CDH18: variants seen among roughly 807,000 people sequenced by gnomAD.
The protein encoded by CDH18 is cadherin-18.
In CDH18, 31 loss-of-function variants were observed where a neutral mutation model predicts 67.9. The ratio of observed to expected loss-of-function variants is 0.46; its 90% CI spans 0.34 to 0.62. CDH18 has a LOEUF of 0.62. Among genes scored for constraint, CDH18 ranks in the 20% least tolerant of loss-of-function variants. The pLI, the probability that CDH18 is intolerant of heterozygous loss-of-function variation, is 0.01. For synonymous variants in CDH18, 362 were observed against 347.2 expected (o/e 1.04, Z -0.48); for missense variants, 890 against 975.5 (o/e 0.91, Z 1.17).
intron 3 of CDH18, among the ~76,000 whole-genome samples, chr5:19,787,353 G>A (rs1361832722): frequency 1.3e-5 from 2 of 152,022 alleles, no homozygotes; most frequent in African/African-American, 4.8e-5. Context: ...TAGGGAGGCT[G>A]AGGCAGGAGA....
chr5:20,354,489 A>C (rs879455257), intron 1 of CDH18, among the ~76,000 whole-genome samples: 1 of 152,140 alleles, frequency 6.6e-6, no homozygotes, highest in Non-Finnish European at 1.5e-5. Flanking sequence ...GTCTTCACTC[A>C]CTGCAACTTC....
intron 3 of CDH18, among the ~76,000 whole-genome samples, chr5:19,806,153 G>A (rs916312717): frequency 6.6e-6 from 1 of 152,072 alleles, no homozygotes; most frequent in East Asian, 1.9e-4. Flanking sequence ...TACCAGCCTC[G>A]TTTTCTACTA....
At chr5:19,736,824 T>C (rs1181759501) in intron 4 of CDH18, among the ~76,000 whole-genome samples, 1 of 152,316 alleles carries the variant, frequency 6.6e-6, no homozygotes, top group Non-Finnish European at 1.5e-5. Flanking sequence ...AAGATTTAAA[T>C]TGGCCATTTA....
At chr5:19,624,814 C>G (rs562252527) in intron 5 of CDH18, among the ~76,000 whole-genome samples, 94 of 152,236 alleles carry the variant, frequency 6.2e-4, no homozygotes, top group Non-Finnish European at 9.4e-4. Context: ...ACAAGCCCTT[C>G]CGATGTTGAT....
At chr5:20,490,241 A>G (rs946227727) in intron 1 of CDH18, among the ~76,000 whole-genome samples, 11 of 152,090 alleles carry the variant, frequency 7.2e-5, no homozygotes, top group African/African-American at 2.4e-4. Flanking sequence ...TTTATGGCAA[A>G]CATTATAGTG....
intron 5 of CDH18, among the ~76,000 whole-genome samples, chr5:19,687,898 C>A (rs553490969): frequency 6.6e-6 from 1 of 152,158 alleles, no homozygotes; most frequent in African/African-American, 2.4e-5. Flanking sequence ...ACAGCTGATA[C>A]CCATGAACAG....
intron 2 of CDH18, among the ~76,000 whole-genome samples, chr5:19,934,963 C>T (rs1055614926): frequency 6.6e-6 from 1 of 151,190 alleles, no homozygotes; most frequent in Non-Finnish European, 1.5e-5. Flanking sequence ...TAGCATATGT[C>T]CTTATGTATA....
chr5:19,808,805 C>G (rs1236039575), intron 3 of CDH18, among the ~76,000 whole-genome samples: 1 of 128,218 alleles, frequency 7.8e-6, no homozygotes, highest in Non-Finnish European at 1.6e-5. Context: ...CCACTCCAGC[C>G]TGGGTGACAA....
intron 3 of CDH18, among the ~76,000 whole-genome samples, chr5:19,764,648 T>C (rs7704493): frequency 0.77 from 110,209 of 143,614 alleles, 44,343 homozygotes; most frequent in South Asian, 0.89. Flanking sequence ...TATATATATA[T>C]ACACACACAC....
intron 1 of CDH18, among the ~76,000 whole-genome samples, chr5:20,282,432 T>G (rs917789734): frequency 2.0e-5 from 3 of 152,092 alleles, no homozygotes; most frequent in Admixed American, 6.6e-5. Flanking sequence ...AAGGGCTGTT[T>G]AATTTTGTCA....
chr5:20,082,073 C>T (rs1580196168), intron 2 of CDH18, among the ~76,000 whole-genome samples: 1 of 151,812 alleles, frequency 6.6e-6, no homozygotes, highest in Non-Finnish European at 1.5e-5. Flanking sequence ...ACACTGTGTG[C>T]ATATACACAC....
chr5:20,300,605 C>T (rs1006391881), intron 1 of CDH18, among the ~76,000 whole-genome samples: 3 of 151,978 alleles, frequency 2.0e-5, no homozygotes, highest in African/African-American at 4.8e-5. Flanking sequence ...AAGAATAAAT[C>T]GGTCAATCAT....
intron 2 of CDH18, among the ~76,000 whole-genome samples, chr5:20,241,881 T>A (rs1407105311): frequency 1.4e-4 from 12 of 87,732 alleles, no homozygotes; most frequent in South Asian, 3.5e-4. Context: ...TAAAATAAAA[T>A]ATATATATAT....
intron 5 of CDH18, among the ~76,000 whole-genome samples, chr5:19,613,015 G>A (rs562750696): frequency 2.0e-5 from 3 of 151,836 alleles, no homozygotes; most frequent in Admixed American, 6.6e-5. Flanking sequence ...GCGTGGTGGC[G>A]CATGCCTGTA....
chr5:20,545,169 A>G (rs191369381), intron 1 of CDH18, among the ~76,000 whole-genome samples: 9 of 152,320 alleles, frequency 5.9e-5, no homozygotes, highest in Admixed American at 5.2e-4. Flanking sequence ...GGCCTTTGGC[A>G]ACTGTGCCTC....
chr5:20,370,704 C>G (rs529839066), intron 1 of CDH18, among the ~76,000 whole-genome samples: 138 of 152,196 alleles, frequency 9.1e-4, no homozygotes, highest in African/African-American at 3.1e-3. Context: ...TTGTGGAGAA[C>G]ATTTTGAGAG....
chr5:20,029,596 C>T (rs900328530), intron 2 of CDH18, among the ~76,000 whole-genome samples: 1 of 152,142 alleles, frequency 6.6e-6, no homozygotes, highest in Non-Finnish European at 1.5e-5. Flanking sequence ...TATGAGATTA[C>T]CTGTGCAAAT....
chr5:20,294,767 A>C (rs1747359552), intron 1 of CDH18, among the ~76,000 whole-genome samples: 1 of 152,216 alleles, frequency 6.6e-6, no homozygotes, highest in South Asian at 2.1e-4. Context: ...ATTAAAAAAT[A>C]AGTAATTTGA....
At chr5:20,526,561 C>T (rs987501085) in intron 1 of CDH18, among the ~76,000 whole-genome samples, 3 of 152,072 alleles carry the variant, frequency 2.0e-5, no homozygotes, top group African/African-American at 4.8e-5. Flanking sequence ...GAGGAAGGAG[C>T]AGGGAGCAAC....
Sources: gnomAD v4.1 joint callset for allele counts (sites outside exome capture counted in the v4.1 genomes callset) on GRCh38, gnomAD v4.1.1 for gene constraint, MANE v1.5 for transcripts, NCBI Gene and HGNC (gene_info 2026-07-23, HGNC 2026-07-21) for gene names.